The following FBLN2 variants were observed in gnomAD, a reference collection of about 807,000 sequenced individuals.
The protein encoded by FBLN2 is fibulin-2.
In FBLN2, 81 loss-of-function variants were observed where a neutral mutation model predicts 123.7. The observed-to-expected ratio is 0.65, with a 90% CI of 0.55 to 0.79. The LOEUF (loss-of-function observed/expected upper bound fraction) is 0.79. Among genes scored for constraint, FBLN2 ranks in the 30% least tolerant of loss-of-function variants. The pLI, the probability that FBLN2 is intolerant of heterozygous loss-of-function variation, is 0.00. For missense variants in FBLN2, 1,603 were observed against 1,681.3 expected (o/e 0.95, Z 0.81); for synonymous variants, 699 against 701.4 (o/e 1.00, Z 0.05).
chr3:13,567,200 G>A (rs1277897339), intron 1 of FBLN2, among the ~76,000 whole-genome samples: 1 of 152,162 alleles, frequency 6.6e-6, no homozygotes, highest in Non-Finnish European at 1.5e-5. Flanking sequence ...CGGGTGGTGG[G>A]GCAGGGTGGG....
chr3:13,623,962 T>C (rs1705939969), intron 9 of FBLN2, among the ~76,000 whole-genome samples: 1 of 152,212 alleles, frequency 6.6e-6, no homozygotes, highest in African/African-American at 2.4e-5. Context: ...TGGGACAGTA[T>C]TGGGTGTGAC....
chr3:13,610,964 GT>G (rs1705372676), intron 4 of FBLN2, among the ~76,000 whole-genome samples: 2 of 151,108 alleles, frequency 1.3e-5, no homozygotes, highest in African/African-American at 2.5e-5. Flanking sequence ...CTGGAGTGCA[GT>G]GGTACGATCT....
At chr3:13,577,488 G>A (rs373216442) in intron 2 of FBLN2, among the ~76,000 whole-genome samples, 7 of 152,294 alleles carry the variant, frequency 4.6e-5, no homozygotes, top group African/African-American at 1.7e-4. Flanking sequence ...TGGCCACCAT[G>A]AGGACTTTGG....
intron 2 of FBLN2, among the ~76,000 whole-genome samples, chr3:13,595,645 A>T (rs1340844775): frequency 1.3e-5 from 2 of 152,124 alleles, no homozygotes; most frequent in Admixed American, 6.6e-5. Flanking sequence ...CCTGGCGGAG[A>T]TGGCCCTGTC....
chr3:13,637,906 C>T lies in FBLN2; in HGVS notation c.3683C>T (p.Thr1228Ile). ...FLAKMHIFFT[T>I]FAL The stretch of plus-strand genomic sequence containing the variant: ...GCCAAGATGCACATCTTCTTCACCA[C>T]CTTTGCCCTGTGAGGTGCCAGCACG... The change falls in exon 18 of 18, where the codon ACC becomes ATC. Residue 1228 changes from threonine (T) to isoleucine (I), a missense_variant. Physicochemically the swap from Thr to Ile is moderately conservative, Grantham distance 89. Transcript: ENST00000404922. 6.3e-7 allele frequency: 1 copy of T among 1,587,996 alleles called. No homozygotes were observed. Among genetic ancestry groups the T allele is most frequent in the Non-Finnish European group, 8.6e-7 (1 of 1,163,700 alleles).
intron 2 of FBLN2, among the ~76,000 whole-genome samples, chr3:13,589,249 C>T (rs918083415): frequency 1.1e-4 from 17 of 152,188 alleles, no homozygotes; most frequent in African/African-American, 4.1e-4. Flanking sequence ...ATGCGGATGA[C>T]AGTCGCACAC....
intron 2 of FBLN2, among the ~76,000 whole-genome samples, chr3:13,592,827 T>A (rs1451049201): frequency 6.6e-6 from 1 of 152,232 alleles, no homozygotes; most frequent in Non-Finnish European, 1.5e-5. Flanking sequence ...TTTATTTAGC[T>A]CATTCTGTGA....
At chr3:13,551,678 T>C (rs1055754160) in intron 1 of FBLN2, among the ~76,000 whole-genome samples, 7 of 152,112 alleles carry the variant, frequency 4.6e-5, no homozygotes, top group Non-Finnish European at 8.8e-5. Flanking sequence ...TCGTAAATGC[T>C]TGGGGCATGC....
At position 13,565,425 on chromosome 3, in the gene FBLN2, C is replaced by T. The variant is rs138748931; in HGVS notation, c.-41-4890C>T. The stretch of plus-strand genomic sequence containing the variant: ...GACGTCCTCATTGTCACCTAAATGT[C>T]CATTGTCATTTTGGCTCTTCCTGTG... On this transcript the variant is annotated intron_variant, in intron 1 of 17. Coordinates refer to ENST00000404922, the MANE Select transcript of FBLN2 (RefSeq NM_001004019.2). Among the ~76,000 whole-genome samples, 608 of 152,310 alleles carry T rather than the reference C, an allele frequency of 4.0e-3. 2 individuals carry two copies. In the Middle Eastern group the frequency reaches 0.041, roughly 10 times the overall value.
At chr3:13,593,242 A>T (rs1468712015) in intron 2 of FBLN2, among the ~76,000 whole-genome samples, 1 of 152,208 alleles carries the variant, frequency 6.6e-6, no homozygotes, top group Non-Finnish European at 1.5e-5. Flanking sequence ...TTGGATCTTC[A>T]TTGGAGTCCT....
Position 13,555,715 on chromosome 3 carries a change from A to G in FBLN2, c.-42+6507A>G, listed in dbSNP as rs551658145. On this transcript the variant is annotated intron_variant, in intron 1 of 17. Transcript: ENST00000404922. The stretch of plus-strand genomic sequence containing the variant: ...GTGATCCACCCGCCTTGGCCTCTCA[A>G]AGTGCTGGGATTACAGGCGTGAGCC... Among the ~76,000 whole-genome samples, 3 of 152,264 alleles carry G rather than the reference A, an allele frequency of 2.0e-5. No individual in the cohort carries two copies. In the East Asian group the frequency reaches 5.8e-4, roughly 29 times the overall value.
chr3:13,589,929 T>C (rs938003984), intron 2 of FBLN2, among the ~76,000 whole-genome samples: 5 of 152,182 alleles, frequency 3.3e-5, no homozygotes, highest in Non-Finnish European at 4.4e-5. Context: ...TTAATCCAGA[T>C]TAATATAACA....
At chr3:13,623,799 T>C (rs1705935026) in intron 9 of FBLN2, among the ~76,000 whole-genome samples, 1 of 152,260 alleles carries the variant, frequency 6.6e-6, no homozygotes, top group Non-Finnish European at 1.5e-5. Flanking sequence ...TAACAGCACC[T>C]ACCTCAAAGA....
rs1347235188 is a variant in FBLN2, at chr3:13,570,953, G to A, written c.598G>A (p.Asp200Asn). 1 of 1,612,612 alleles carries A rather than the reference G, an allele frequency of 6.2e-7. No individual in the cohort carries two copies. The highest frequency in any genetic ancestry group is 1.7e-5 in the Admixed American group (1 of 59,898). Residue 200 changes from aspartate (D) to asparagine (N), a missense_variant, in exon 2 of 18, where the codon GAC becomes AAC. By Grantham distance (23) the Asp-to-Asn change is conservative (BLOSUM62 1). Coordinates refer to ENST00000404922, the MANE Select transcript of FBLN2 (RefSeq NM_001004019.2). ...ERHYEDPYSY[D>N]QEVAEVEAAT... ...ACACTACGAAGACCCCTACAGCTAT[G>A]ACCAGGAGGTGGCCGAGGTGGAAGC...
At chr3:13,586,572 A>G (rs916060848) in intron 2 of FBLN2, among the ~76,000 whole-genome samples, 2 of 146,490 alleles carry the variant, frequency 1.4e-5, no homozygotes, top group Non-Finnish European at 1.5e-5. Flanking sequence ...ATCTTGGCTC[A>G]CTGCAACCTC....
chr3:13,604,885 T>C (rs942545849), intron 2 of FBLN2, among the ~76,000 whole-genome samples: 6 of 152,254 alleles, frequency 3.9e-5, no homozygotes, highest in African/African-American at 1.4e-4. Context: ...TGACCCTCAG[T>C]GAGCTCTTGC....
At position 13,627,977 on chromosome 3, in the gene FBLN2, G is replaced by T. The variant is rs752960357; in HGVS notation, c.2569+8G>T. 1 of 1,612,274 alleles carries T rather than the reference G, an allele frequency of 6.2e-7. No homozygotes were observed. Among genetic ancestry groups the T allele is most frequent in the South Asian group, 1.1e-5 (1 of 90,914 alleles). On this transcript the variant is annotated splice_region_variant and intron_variant, in intron 11 of 17. Transcript: ENST00000404922. ...CTGAAGGCAACTGTGTGGGTGAGCG[G>T]GGGCTGCAGGGCTGGGGATCATCAG...
intron 2 of FBLN2, among the ~76,000 whole-genome samples, chr3:13,603,699 G>A (rs1403094880): frequency 6.6e-6 from 1 of 152,096 alleles, no homozygotes; most frequent in Non-Finnish European, 1.5e-5. Flanking sequence ...GTAAATATAC[G>A]TGTGCATGTG....
At chr3:13,568,458 G>T (rs887391713) in intron 1 of FBLN2, among the ~76,000 whole-genome samples, 2 of 152,230 alleles carry the variant, frequency 1.3e-5, no homozygotes, top group Non-Finnish European at 2.9e-5. Context: ...TGGGCAGCTG[G>T]GTGGGTCCCT....
Sources: gnomAD v4.1 joint callset for allele counts (sites outside exome capture counted in the v4.1 genomes callset) on GRCh38, gnomAD v4.1.1 for gene constraint, MANE v1.5 for transcripts, NCBI Gene and HGNC (gene_info 2026-07-23, HGNC 2026-07-21) for gene names.